Variants in ANKS1B observed in about 807,000 individuals in gnomAD.
ANKS1B encodes the protein ankyrin repeat and sterile alpha motif domain-containing protein 1B.
ANKS1B carries 36 observed loss-of-function variants against 148.3 expected under a neutral mutation model. The observed-to-expected ratio is 0.24, with a 90% CI of 0.19 to 0.32. ANKS1B has a LOEUF of 0.32. Ranked by LOEUF, ANKS1B falls within the 10% of genes least tolerant of loss-of-function variation. The pLI, the probability that ANKS1B is intolerant of heterozygous loss-of-function variation, is 1.00. For synonymous variants in ANKS1B, 542 were observed against 560.8 expected (o/e 0.97, Z 0.47); for missense variants, 1,157 against 1,542.6 (o/e 0.75, Z 4.19).
At chr12:99,932,111 T>C (rs2094633037) in intron 1 of ANKS1B, among the ~76,000 whole-genome samples, 4 of 152,216 alleles carry the variant, frequency 2.6e-5, no homozygotes, top group African/African-American at 9.6e-5. Context: ...TCTCATTATT[T>C]ACAATTGAAT....
intron 10 of ANKS1B, among the ~76,000 whole-genome samples, chr12:99,447,776 A>T (rs1417143575): frequency 6.6e-6 from 1 of 152,144 alleles, no homozygotes; most frequent in Non-Finnish European, 1.5e-5. Context: ...AACCTGATTT[A>T]AAAATGGGCA....
At chr12:98,840,623 A>C (rs1199078630) in intron 17 of ANKS1B, among the ~76,000 whole-genome samples, 1 of 152,182 alleles carries the variant, frequency 6.6e-6, no homozygotes, top group African/African-American at 2.4e-5. Context: ...TGAACATTTA[A>C]GGGCTCTGGA....
At chr12:99,665,088 A>G (rs953895858) in intron 8 of ANKS1B, among the ~76,000 whole-genome samples, 8 of 152,216 alleles carry the variant, frequency 5.3e-5, no homozygotes, top group African/African-American at 1.9e-4. Context: ...TAACATTCAC[A>G]TTAAAATCTG....
At chr12:99,515,950 T>A (rs746989519) in intron 9 of ANKS1B, among the ~76,000 whole-genome samples, 1 of 152,162 alleles carries the variant, frequency 6.6e-6, no homozygotes, top group African/African-American at 2.4e-5. Flanking sequence ...TGTTTGCCAT[T>A]TGTATGTCTT....
intron 17 of ANKS1B, among the ~76,000 whole-genome samples, chr12:98,854,593 G>A (rs1008223386): frequency 1.3e-5 from 2 of 152,228 alleles, no homozygotes; most frequent in Admixed American, 6.5e-5. Context: ...TGGAGCCAAA[G>A]CCTAGACTTA....
intron 12 of ANKS1B, among the ~76,000 whole-genome samples, chr12:99,392,006 A>C (rs2094089428): frequency 6.6e-6 from 1 of 152,252 alleles, no homozygotes; most frequent in Non-Finnish European, 1.5e-5. Flanking sequence ...CCAATAACTC[A>C]GCTAATATAT....
chr12:99,250,836 A>C (rs1289425267), intron 12 of ANKS1B, among the ~76,000 whole-genome samples: 1 of 152,276 alleles, frequency 6.6e-6, no homozygotes, highest in Non-Finnish European at 1.5e-5. Context: ...ATGAAATCAT[A>C]GAATAATAAA....
At chr12:99,069,113 T>C (rs75013636) in intron 16 of ANKS1B, among the ~76,000 whole-genome samples, 2,896 of 152,352 alleles carry the variant, frequency 0.019, 88 homozygotes, top group African/African-American at 0.061. Context: ...ATTGAATGGA[T>C]GGACAATGAG....
At chr12:99,906,764 C>T (rs896682100) in intron 1 of ANKS1B, among the ~76,000 whole-genome samples, 3 of 152,164 alleles carry the variant, frequency 2.0e-5, no homozygotes, top group Admixed American at 2.0e-4. Context: ...TGTATTTTCT[C>T]CTTCATATGC....
intron 1 of ANKS1B, among the ~76,000 whole-genome samples, chr12:99,893,920 C>T (rs930427102): frequency 1.3e-4 from 20 of 151,976 alleles, no homozygotes; most frequent in African/African-American, 3.4e-4. Flanking sequence ...CTCATGTCTT[C>T]GCTCCTGTGA....
chr12:99,900,277 G>A (rs1448722624), intron 1 of ANKS1B, among the ~76,000 whole-genome samples: 1 of 151,514 alleles, frequency 6.6e-6, no homozygotes, highest in Admixed American at 6.6e-5. Context: ...GGAGGCCGAG[G>A]CAGGTGGATC....
chr12:99,575,780 T>G (rs1238255231), intron 9 of ANKS1B, among the ~76,000 whole-genome samples: 1 of 152,002 alleles, frequency 6.6e-6, no homozygotes, highest in Non-Finnish European at 1.5e-5. Flanking sequence ...CCATATCAAG[T>G]ACTTTCCACC....
At chr12:99,536,300 G>A (rs1044212525) in intron 9 of ANKS1B, among the ~76,000 whole-genome samples, 10 of 152,148 alleles carry the variant, frequency 6.6e-5, no homozygotes, top group African/African-American at 2.4e-4. Context: ...TGTTGATAAT[G>A]GGGGAAGCTA....
At chr12:99,811,077 A>G (rs374584440) in intron 3 of ANKS1B, among the ~76,000 whole-genome samples, 6 of 152,134 alleles carry the variant, frequency 3.9e-5, no homozygotes, top group South Asian at 2.1e-4. Context: ...TTTTATTGTG[A>G]TAAATATTAA....
intron 8 of ANKS1B, among the ~76,000 whole-genome samples, chr12:99,765,017 G>A (rs1219948161): frequency 1.3e-5 from 2 of 152,154 alleles, no homozygotes; most frequent in South Asian, 2.1e-4. Context: ...CAGGTGAGGG[G>A]AAATGATGGT....
intron 12 of ANKS1B, among the ~76,000 whole-genome samples, chr12:99,362,691 T>G (rs1299375101): frequency 6.6e-6 from 1 of 152,018 alleles, no homozygotes; most frequent in African/African-American, 2.4e-5. Flanking sequence ...AAATTTTATT[T>G]CCAAGCATGT....
At chr12:99,914,653 C>T (rs754134781) in intron 1 of ANKS1B, among the ~76,000 whole-genome samples, 110 of 152,162 alleles carry the variant, frequency 7.2e-4, no homozygotes, top group Admixed American at 5.3e-3. Context: ...ATGCACAGCC[C>T]CAGCAGGTCT....
rs532780386 is a variant in ANKS1B at position 99,856,616 on chromosome 12, C to T, written c.135-31227G>A. Among the ~76,000 whole-genome samples the T allele has an allele frequency of 3.9e-5, 6 of 152,058 alleles. No homozygotes were observed. In the South Asian group the frequency reaches 8.3e-4, roughly 21 times the overall value. ...TACAGACCAATAACCCTGATGAACA[C>T]GGACACAAAAATCTGTAACAAAATA... On this transcript the variant is annotated intron_variant, in intron 1 of 26. Coordinates refer to ENST00000683438, the MANE Select transcript of ANKS1B (RefSeq NM_001352186.2).
At chr12:99,817,835 C>T (rs1001899840) in intron 2 of ANKS1B, among the ~76,000 whole-genome samples, 3 of 151,598 alleles carry the variant, frequency 2.0e-5, no homozygotes, top group Non-Finnish European at 4.4e-5. Flanking sequence ...TAATCGTTTG[C>T]CCATTTTTAA....
Sources: gnomAD v4.1 joint callset for allele counts (sites outside exome capture counted in the v4.1 genomes callset) on GRCh38, gnomAD v4.1.1 for gene constraint, MANE v1.5 for transcripts, NCBI Gene and HGNC (gene_info 2026-07-23, HGNC 2026-07-21) for gene names.